Variants in FMO4 observed in about 807,000 individuals in gnomAD.
FMO4 encodes the protein flavin containing dimethylaniline monoxygenase 4.
In FMO4, 38 loss-of-function variants were observed where a neutral mutation model predicts 43.3. The observed-to-expected ratio is 0.88, with a 90% confidence interval of 0.68 to 1.15. FMO4 has a LOEUF of 1.15. FMO4 is among the 50% of genes most tolerant of loss of function. The pLI is 0.00. For missense variants in FMO4, 631 were observed against 663.3 expected (o/e 0.95, Z 0.54); for synonymous variants, 224 against 232.2 (o/e 0.96, Z 0.32).
At chr1:171,316,755 A>G (rs1343708950) in intron 2 of FMO4, among the ~76,000 whole-genome samples, 4 of 152,190 alleles carry the variant, frequency 2.6e-5, no homozygotes, top group Non-Finnish European at 5.9e-5. Context: ...TGGCAATCTC[A>G]GCCTTACAAA....
chr1:171,334,175 T>C (rs937899726), intron 7 of FMO4, among the ~76,000 whole-genome samples: 1 of 152,188 alleles, frequency 6.6e-6, no homozygotes, highest in Non-Finnish European at 1.5e-5. Flanking sequence ...TAGAGAGTTT[T>C]AAACCCCAAG....
Position 171,337,420 on chromosome 1 carries a change from TA to T in FMO4, c.1249del (p.Arg417GlyfsTer25). The T allele has an allele frequency of 6.2e-7, 1 of 1,607,160 alleles. No individual in the cohort carries two copies. The highest frequency in any genetic ancestry group is 8.5e-7 in the Non-Finnish European group (1 of 1,173,788). On this transcript the variant is annotated frameshift_variant, in exon 9 of 10. Transcript: ENST00000367749. LOFTEE classifies it low-confidence loss of function (END_TRUNC). ...AGGCTACTGAAAAGGAACAGCTCAT[TA>T]AAAGGTATGAAATGTAGCTTGCTCT... ...MEATEKEQLI[K>X]RGVFKDTSKD...
chr1:171,337,984 C>T (rs578007060), intron 9 of FMO4, among the ~76,000 whole-genome samples: 8 of 151,970 alleles, frequency 5.3e-5, no homozygotes, highest in Admixed American at 1.3e-4. Context: ...ATTTAATAGG[C>T]GTCTCAAATT....
intron 5 of FMO4, among the ~76,000 whole-genome samples, chr1:171,327,293 G>A (rs1447576649): frequency 2.0e-5 from 3 of 152,154 alleles, no homozygotes; most frequent in African/African-American, 2.4e-5. Flanking sequence ...CAGGCTGGAC[G>A]TCCCATTGGA....
chr1:171,324,961 A>T (rs1300208972), intron 5 of FMO4, among the ~76,000 whole-genome samples: 2 of 152,132 alleles, frequency 1.3e-5, no homozygotes, highest in Non-Finnish European at 2.9e-5. Context: ...TACAAAAATT[A>T]TCTGGGCATG....
intron 5 of FMO4, among the ~76,000 whole-genome samples, chr1:171,325,695 C>T (rs1024523712): frequency 1.3e-5 from 2 of 151,630 alleles, no homozygotes; most frequent in African/African-American, 4.8e-5. Flanking sequence ...ATGACATTTT[C>T]TATAGGAAAA....
At chr1:171,331,953 G>A (rs1662919920) in intron 6 of FMO4, among the ~76,000 whole-genome samples, 171 bp downstream of exon 6, 1 of 151,716 alleles carries the variant, frequency 6.6e-6, no homozygotes, top group Admixed American at 6.6e-5. Context: ...GGTTCTTTCT[G>A]AACTATTTAA....
At chr1:171,315,639 A>G (rs975464078) in intron 1 of FMO4, among the ~76,000 whole-genome samples, 3 of 152,126 alleles carry the variant, frequency 2.0e-5, no homozygotes, top group African/African-American at 4.8e-5. Flanking sequence ...TTTCCAGTTC[A>G]CTCACTACCT....
chr1:171,319,738 T>A, intron 2 of FMO4, 80 bp from the exon 3 acceptor site: 1 of 1,310,850 alleles, frequency 7.6e-7, no homozygotes, highest in Non-Finnish European at 1.1e-6. Context: ...TATATAGCAC[T>A]ACAAAAATTG....
At position 171,333,214 on chromosome 1, in the gene FMO4, G is replaced by A. The variant is rs985194662; in HGVS notation, c.827+306G>A. Reference sequence around the variant, plus strand: ...GTTGTTGTTGTTGGGGTTTTTTTGTGTTGTTGATGTTGTTTTTGTTCTTGT... The same window carrying A: ...GTTGTTGTTGTTGGGGTTTTTTTGTATTGTTGATGTTGTTTTTGTTCTTGT... On this transcript the variant is annotated intron_variant, in intron 7 of 9. Coordinates refer to ENST00000367749, the MANE Select transcript of FMO4 (RefSeq NM_002022.3). 1.2e-5 allele frequency: 3 copies of A among 259,128 alleles called. No homozygotes were observed. The South Asian group carries it at 1.4e-4, about 12-fold the overall frequency. The allele number at this position is 259,128 out of a possible 1,614,324, so 16.1% of individuals were successfully genotyped here. A position where few individuals can be genotyped will look rare whatever the true frequency, so the allele number is the denominator to read the frequency against.
chr1:171,326,248 A>G (rs979729730), intron 5 of FMO4, among the ~76,000 whole-genome samples: 2 of 152,218 alleles, frequency 1.3e-5, no homozygotes, highest in African/African-American at 4.8e-5. Context: ...TTCTCTGCAT[A>G]GAAAGTACCA....
intron 5 of FMO4, among the ~76,000 whole-genome samples, chr1:171,330,251 C>A (rs1007232143): frequency 6.6e-6 from 1 of 152,214 alleles, no homozygotes; most frequent in African/African-American, 2.4e-5. Flanking sequence ...CTTTCAGATT[C>A]TTTGTCAATG....
Position 171,341,864 on chromosome 1 carries a change from A to C in FMO4, c.*25A>C, listed in dbSNP as rs1042772. On this transcript the variant is annotated 3_prime_UTR_variant, in exon 10 of 10. Transcript: ENST00000367749. Reference sequence around the variant, plus strand: ...AACCTGATTGTTACAAGGGTTACACAAAGTCATGCTAATTCTATCTCCAAG... The same window carrying C: ...AACCTGATTGTTACAAGGGTTACACCAAGTCATGCTAATTCTATCTCCAAG... The C allele has an allele frequency of 0.48, 759,417 of 1,567,380 alleles. 188,169 individuals are homozygous for C. Among genetic ancestry groups the C allele is most frequent in the African/African-American group, 0.72 (53,145 of 73,900 alleles).
Position 171,341,721 on chromosome 1 carries a change from C to G in FMO4, c.1559C>G (p.Ala520Gly). 6.2e-7 allele frequency: 1 copy of G among 1,613,834 alleles called. No homozygotes were observed. Among genetic ancestry groups the G allele is most frequent in the Non-Finnish European group, 8.5e-7 (1 of 1,179,878 alleles). ...SMSHYLKAWG[A>G]PVLLASLLLI... ...TCACATTATTTAAAAGCCTGGGGGGCACCTGTCCTACTTGCCTCTCTTCTA... is the reference window on the plus strand; with the variant it reads ...TCACATTATTTAAAAGCCTGGGGGGGACCTGTCCTACTTGCCTCTCTTCTA... The change falls in exon 10 of 10, where the codon GCA becomes GGA. Residue 520 changes from alanine (A) to glycine (G), a missense_variant. By Grantham distance (60) the Ala-to-Gly change is moderately conservative. Coordinates refer to ENST00000367749, the MANE Select transcript of FMO4 (RefSeq NM_002022.3).
intron 1 of FMO4, among the ~76,000 whole-genome samples, chr1:171,315,120 C>T (rs762823553): frequency 3.3e-5 from 5 of 152,234 alleles, no homozygotes; most frequent in African/African-American, 1.2e-4. Context: ...GGTGAAACCC[C>T]GTCTCTACTA....
chr1:171,328,606 C>T (rs186860718), intron 5 of FMO4, among the ~76,000 whole-genome samples: 107 of 151,506 alleles, frequency 7.1e-4, no homozygotes, highest in African/African-American at 2.2e-3. Context: ...GCCAAGATCA[C>T]GCCATTGCAC....
Position 171,319,748 on chromosome 1 carries a change from G to A in FMO4, c.-8-70G>A, listed in dbSNP as rs1312183590. 7 of 1,418,838 alleles carry A rather than the reference G, an allele frequency of 4.9e-6. No homozygotes were observed. The East Asian group carries it at 1.4e-4, about 28-fold the overall frequency. 87.9% of individuals were successfully genotyped at this position (1,418,838 alleles called of 1,614,324 possible). ...AGGCATATATAGCACTACAAAAATT[G>A]AGTCTTTTGACAAGGGCTCCCTTCC... On this transcript the variant is annotated intron_variant, in intron 2 of 9. Transcript: ENST00000367749.
intron 5 of FMO4, among the ~76,000 whole-genome samples, chr1:171,328,649 C>CA (rs1286478526): frequency 0.05 from 6,626 of 131,652 alleles, 456 homozygotes; most frequent in African/African-American, 0.16. Flanking sequence ...GACCCTGTCT[C>CA]AAAAAAAAAA....
intron 4 of FMO4, 137 bp from the exon 5 acceptor site, chr1:171,324,001 A>G: frequency 1.4e-6 from 1 of 705,064 alleles, no homozygotes; most frequent in Non-Finnish European, 2.2e-6. Flanking sequence ...TTCTCTAGGA[A>G]GATGATAAAT....
Sources: allele counts gnomAD v4.1 joint callset (sites outside exome capture counted in the v4.1 genomes callset), GRCh38; gene constraint gnomAD v4.1.1; transcripts MANE v1.5; gene names NCBI Gene and HGNC (gene_info 2026-07-23, HGNC 2026-07-21).